Variants in SLC24A2 observed in about 807,000 individuals in gnomAD.
SLC24A2 encodes the protein solute carrier family 24 member 2.
In SLC24A2, 36 loss-of-function variants were observed where a neutral mutation model predicts 62.0. That is an observed-to-expected ratio of 0.58 (90% CI 0.44 to 0.77). SLC24A2 has a LOEUF of 0.77. Among genes scored for constraint, SLC24A2 ranks in the 30% least tolerant of loss-of-function variants. SLC24A2 has a pLI of 0.00. For synonymous variants in SLC24A2, 358 were observed against 294.0 expected (o/e 1.22, Z -2.23); for missense variants, 846 against 817.9 (o/e 1.03, Z -0.42).
At chr9:19,659,334 C>A (rs1819027756) in intron 2 of SLC24A2, among the ~76,000 whole-genome samples, 2 of 152,136 alleles carry the variant, frequency 1.3e-5, no homozygotes, top group East Asian at 3.9e-4. Context: ...GGCTTCTAGG[C>A]TTCAGAACTG....
the SLC24A2 span, among the ~76,000 whole-genome samples, chr9:20,096,085 ATCCGTCCGTCCG>A: frequency 2.6e-4 from 37 of 140,482 alleles, no homozygotes; most frequent in South Asian, 1.5e-3. Context: ...CCATCCATCC[ATCCGTCCGTCCG>A]TCCGTCCGTC....
the SLC24A2 span, among the ~76,000 whole-genome samples, chr9:19,901,976 G>A: frequency 1.3e-5 from 2 of 152,172 alleles, no homozygotes; most frequent in Non-Finnish European, 2.9e-5. Context: ...TGCTTGCTGG[G>A]CTGCCACAGA....
chr9:20,264,222 T>G, the SLC24A2 span, among the ~76,000 whole-genome samples: 1 of 152,310 alleles, frequency 6.6e-6, no homozygotes, highest in Admixed American at 6.5e-5. Context: ...TCTCTGCACC[T>G]CAGTTTCCAC....
chr9:20,054,817 A>T, the SLC24A2 span, among the ~76,000 whole-genome samples: 1 of 152,210 alleles, frequency 6.6e-6, no homozygotes, highest in Non-Finnish European at 1.5e-5. Context: ...AAATTACATA[A>T]GTAAATAGAT....
chr9:19,808,993 C>T, the SLC24A2 span, among the ~76,000 whole-genome samples: 6 of 152,194 alleles, frequency 3.9e-5, no homozygotes, highest in Non-Finnish European at 7.3e-5. This position sits in a 1 kb window ranked among gnomAD's most constrained non-coding sequence, Gnocchi z 4.1. Context: ...TGAGGATGGG[C>T]CCCAATCTCC....
At position 19,707,783 on chromosome 9, in the gene SLC24A2, C is replaced by G. The variant is rs1410293608; in HGVS notation, c.930+78154G>C. On this transcript the variant is annotated intron_variant, in intron 2 of 10. Coordinates refer to ENST00000341998, the MANE Select transcript of SLC24A2 (RefSeq NM_020344.4). ...AATAATAAGAGCTATCTATGACAAA[C>G]CCACAGCCAATATCATACTGAATGG... Among the ~76,000 whole-genome samples the G allele has an allele frequency of 2.6e-5, 4 of 152,230 alleles. No individual in the cohort carries two copies. The East Asian group carries it at 7.7e-4, about 29-fold the overall frequency.
At chr9:20,245,926 C>T in the SLC24A2 span, among the ~76,000 whole-genome samples, 1 of 152,024 alleles carries the variant, frequency 6.6e-6, no homozygotes, top group African/African-American at 2.4e-5. Flanking sequence ...GAAAATGAGG[C>T]AAGGAGAAAT....
At chr9:19,566,555 G>T (rs943873371) in intron 7 of SLC24A2, among the ~76,000 whole-genome samples, 1 of 151,896 alleles carries the variant, frequency 6.6e-6, no homozygotes, top group Non-Finnish European at 1.5e-5. Context: ...ACAGTGTGGC[G>T]ATTCCTCAAG....
intron 8 of SLC24A2, among the ~76,000 whole-genome samples, chr9:19,532,743 C>A (rs1377511501): frequency 6.6e-6 from 1 of 152,162 alleles, no homozygotes. Flanking sequence ...CCTTGTTAGA[C>A]CTTGCTTGGC....
the SLC24A2 span, among the ~76,000 whole-genome samples, chr9:20,108,308 A>T: frequency 6.6e-6 from 1 of 151,994 alleles, no homozygotes; most frequent in African/African-American, 2.4e-5. Context: ...CAGGGATCTA[A>T]AACTAGAAAT....
At position 19,554,674 on chromosome 9, in the gene SLC24A2, G is replaced by T. The variant is rs374457383; in HGVS notation, c.1348-4406C>A. On this transcript the variant is annotated intron_variant, in intron 7 of 10. Transcript: ENST00000341998. Reference sequence around the variant, plus strand: ...GAAGTGTCCTTCATACAACTTCCTGGATCTATCTTTAAAGGGTGCGGATGC... The same window carrying T: ...GAAGTGTCCTTCATACAACTTCCTGTATCTATCTTTAAAGGGTGCGGATGC... Among the ~76,000 whole-genome samples, 11 of 152,308 alleles carry T rather than the reference G, an allele frequency of 7.2e-5. No homozygotes were observed. In the East Asian group the frequency reaches 1.5e-3, roughly 21 times the overall value.
chr9:19,779,901 A>C (rs891218755), intron 2 of SLC24A2, among the ~76,000 whole-genome samples: 1 of 151,586 alleles, frequency 6.6e-6, no homozygotes, highest in Non-Finnish European at 1.5e-5. Context: ...CTAGTAAAAA[A>C]AGTACAGAAA....
At chr9:20,279,595 A>C in the SLC24A2 span, among the ~76,000 whole-genome samples, 24 of 152,360 alleles carry the variant, frequency 1.6e-4, no homozygotes, top group African/African-American at 5.1e-4. Context: ...TGATATTGCA[A>C]GTCCATCAAC....
chr9:19,961,955 G>C, the SLC24A2 span, among the ~76,000 whole-genome samples: 1 of 152,188 alleles, frequency 6.6e-6, no homozygotes, highest in Non-Finnish European at 1.5e-5. Flanking sequence ...ACCACTCCTA[G>C]ATTCTTGACT....
At chr9:19,972,964 TG>T in the SLC24A2 span, among the ~76,000 whole-genome samples, 211 of 152,202 alleles carry the variant, frequency 1.4e-3, no homozygotes, top group Middle Eastern at 3.4e-3. Flanking sequence ...GCTCATCTTT[TG>T]GGGGGTGGGA....
the SLC24A2 span, among the ~76,000 whole-genome samples, chr9:19,834,624 G>C: frequency 6.6e-6 from 1 of 151,854 alleles, no homozygotes; most frequent in Non-Finnish European, 1.5e-5. Context: ...GTGATGGGGA[G>C]AATGGAACCA....
intron 2 of SLC24A2, among the ~76,000 whole-genome samples, chr9:19,671,483 G>A (rs1819414473): frequency 6.6e-6 from 1 of 152,024 alleles, no homozygotes; most frequent in African/African-American, 2.4e-5. Context: ...CTAGGTATAT[G>A]ATCATATCAT....
chr9:19,803,513 A>C, the SLC24A2 span, among the ~76,000 whole-genome samples: 1 of 152,198 alleles, frequency 6.6e-6, no homozygotes, highest in Non-Finnish European at 1.5e-5. Context: ...GAAAGTCTGG[A>C]GTTTTAATTA....
chr9:19,975,897 C>A, the SLC24A2 span, among the ~76,000 whole-genome samples: 1 of 74,288 alleles, frequency 1.3e-5, no homozygotes, highest in East Asian at 2.5e-4. Context: ...CATAAACATA[C>A]GTTTTTGTTT....
Sources: allele counts gnomAD v4.1 joint callset (sites outside exome capture counted in the v4.1 genomes callset), GRCh38; gene constraint gnomAD v4.1.1; non-coding constraint Gnocchi (gnomAD v3.1); transcripts MANE v1.5; gene names NCBI Gene and HGNC (gene_info 2026-07-23, HGNC 2026-07-21).